Variants in TMEM182 observed in about 807,000 individuals in gnomAD.
TMEM182 encodes the protein transmembrane protein 182.
TMEM182 carries 20 observed loss-of-function variants against 26.8 expected under a neutral mutation model. The ratio of observed to expected loss-of-function variants is 0.75; its 90% CI spans 0.53 to 1.09. The LOEUF (loss-of-function observed/expected upper bound fraction) is 1.09, where lower values mean the gene tolerates loss of function less well. Among genes scored for constraint, TMEM182 ranks in the 50% least tolerant of loss-of-function variants. The pLI, the probability that TMEM182 is intolerant of heterozygous loss-of-function variation, is 0.00. For synonymous variants in TMEM182, 109 were observed against 102.2 expected (o/e 1.07, Z -0.40); for missense variants, 277 against 275.5 (o/e 1.01, Z -0.04).
intron 1 of TMEM182, among the ~76,000 whole-genome samples, chr2:102,746,056 G>T (rs149911623): frequency 6.6e-6 from 1 of 152,256 alleles, no homozygotes; most frequent in East Asian, 1.9e-4. Context: ...ACTCTCACCA[G>T]CAGTGTATGA....
intron 3 of TMEM182, among the ~76,000 whole-genome samples, chr2:102,779,150 CT>C (rs1681052997): frequency 6.6e-6 from 1 of 151,938 alleles, no homozygotes; most frequent in Non-Finnish European, 1.5e-5. Context: ...TGTTATGCCA[CT>C]TTTTCCTGAC....
chr2:102,805,702 C>T (rs1172319336), intron 4 of TMEM182, among the ~76,000 whole-genome samples: 2 of 151,966 alleles, frequency 1.3e-5, no homozygotes, highest in African/African-American at 2.4e-5. Context: ...AATGAGGCAT[C>T]ATTAATCTTT....
intron 3 of TMEM182, among the ~76,000 whole-genome samples, chr2:102,786,403 C>T (rs1479633812): frequency 1.3e-5 from 2 of 152,076 alleles, no homozygotes; most frequent in African/African-American, 2.4e-5. Context: ...TTAGAAGAGA[C>T]GAGGTTTCAC....
chr2:102,835,042 G>A (rs1003326782), intron 3 of TMEM182, among the ~76,000 whole-genome samples: 2 of 152,144 alleles, frequency 1.3e-5, no homozygotes, highest in Non-Finnish European at 2.9e-5. Flanking sequence ...AAGCAATTGT[G>A]GGGGGCGGGG....
downstream of TMEM182, among the ~76,000 whole-genome samples, chr2:102,817,965 T>C (rs1682810924): frequency 6.6e-6 from 1 of 152,230 alleles, no homozygotes; most frequent in African/African-American, 2.4e-5. Context: ...ATTTGATTTC[T>C]ATTTTCTTAA....
intron 4 of TMEM182, among the ~76,000 whole-genome samples, chr2:102,803,745 AG>A (rs1325132927): frequency 6.6e-6 from 1 of 152,198 alleles, no homozygotes; most frequent in East Asian, 1.9e-4. Flanking sequence ...CTCCAGGTAA[AG>A]GAGGATGTGG....
chr2:102,756,933 C>G (rs1266703534), intron 1 of TMEM182, among the ~76,000 whole-genome samples: 1 of 152,108 alleles, frequency 6.6e-6, no homozygotes, highest in Non-Finnish European at 1.5e-5. Context: ...CTGCCTCAGC[C>G]TCCCAAGTAG....
chr2:102,817,710 A>C, downstream of TMEM182: 16 of 983,896 alleles, frequency 1.6e-5, no homozygotes, highest in Non-Finnish European at 1.8e-5. Flanking sequence ...TCATCTATTT[A>C]TCTGTCTATC....
intron 4 of TMEM182, among the ~76,000 whole-genome samples, chr2:102,809,386 T>G (rs1682467481): frequency 6.6e-6 from 1 of 152,198 alleles, no homozygotes; most frequent in Admixed American, 6.5e-5. Context: ...TGGACATGTC[T>G]GCTCTAAATT....
At chr2:102,765,975 C>T (rs1680417818) in intron 3 of TMEM182, among the ~76,000 whole-genome samples, 1 of 152,168 alleles carries the variant, frequency 6.6e-6, no homozygotes, top group Non-Finnish European at 1.5e-5. Flanking sequence ...ATAGGAGAAA[C>T]TCTTTTGTTT....
upstream of TMEM182, among the ~76,000 whole-genome samples, chr2:102,761,642 T>A (rs1680217136): frequency 6.6e-6 from 1 of 152,236 alleles, no homozygotes; most frequent in South Asian, 2.1e-4. Flanking sequence ...CCAAAAGGAA[T>A]TAAGTTAATT....
At chr2:102,811,190 T>C (rs1682545738) in intron 4 of TMEM182, among the ~76,000 whole-genome samples, 1 of 152,032 alleles carries the variant, frequency 6.6e-6, no homozygotes, top group South Asian at 2.1e-4. Context: ...AGTACAGGCC[T>C]GTGATTTTTG....
chr2:102,806,962 A>T (rs1159746306), intron 4 of TMEM182, among the ~76,000 whole-genome samples: 1 of 152,218 alleles, frequency 6.6e-6, no homozygotes, highest in African/African-American at 2.4e-5. Context: ...CTTGTGAATA[A>T]ATATTTCCTT....
At chr2:102,746,441 G>A (rs13430147) in intron 1 of TMEM182, among the ~76,000 whole-genome samples, 1,625 of 152,124 alleles carry the variant, frequency 0.011, 34 homozygotes, top group African/African-American at 0.037. Flanking sequence ...TTTTGATAAT[G>A]TCCAGTTTAT....
intron 3 of TMEM182, among the ~76,000 whole-genome samples, chr2:102,773,175 A>G (rs1680753208): frequency 6.6e-6 from 1 of 152,040 alleles, no homozygotes. Context: ...CCAGACACTT[A>G]TTTTAGGTTC....
At chr2:102,749,813 AAATT>A (rs1452734988) in intron 1 of TMEM182, among the ~76,000 whole-genome samples, 1 of 152,140 alleles carries the variant, frequency 6.6e-6, no homozygotes, top group Non-Finnish European at 1.5e-5. Context: ...TAAAATTTCA[AAATT>A]AATTATAATT....
intron 3 of TMEM182, among the ~76,000 whole-genome samples, chr2:102,839,347 T>C (rs1036238890): frequency 1.3e-5 from 2 of 151,720 alleles, no homozygotes; most frequent in Non-Finnish European, 2.9e-5. Flanking sequence ...TCTTTGCTTT[T>C]AGTGGCTTCA....
At chr2:102,763,368 G>A (rs1680293405) in intron 2 of TMEM182, among the ~76,000 whole-genome samples, 1 of 152,102 alleles carries the variant, frequency 6.6e-6, no homozygotes, top group African/African-American at 2.4e-5. Context: ...ATTGAAAATA[G>A]CTAGCGCTTA....
chr2:102,841,537 C>G (rs548455221), intron 3 of TMEM182, among the ~76,000 whole-genome samples: 1 of 152,140 alleles, frequency 6.6e-6, no homozygotes, highest in Non-Finnish European at 1.5e-5. Flanking sequence ...AGACAGGCTC[C>G]GCAGCAATGA....
Sources: allele counts gnomAD v4.1 joint callset (sites outside exome capture counted in the v4.1 genomes callset), GRCh38; gene constraint gnomAD v4.1.1; transcripts MANE v1.5; gene names NCBI Gene and HGNC (gene_info 2026-07-23, HGNC 2026-07-21).